Variants in H1-3 observed in about 807,000 individuals in gnomAD.
H1-3 encodes the protein H1.3 linker histone, cluster member, also known as histone H1.3.
A neutral mutation model predicts 3.6 loss-of-function variants in H1-3; 4 were observed. That is an observed-to-expected ratio of 1.12 (90% confidence interval 0.55 to 2.57). The LOEUF is 2.57. Among genes scored for constraint, H1-3 ranks in the 30% most tolerant of loss-of-function variants. The pLI is 0.02. For synonymous variants in H1-3, 266 were observed against 110.0 expected, an observed-to-expected ratio of 2.42 and a Z score of -8.87; for missense variants, 670 against 274.3, an observed-to-expected ratio of 2.44 and a Z score of -10.19.
chr6:26,234,972 A>G lies in H1-3; in HGVS notation c.-39T>C, dbSNP rs768461049. On this transcript the variant is annotated 5_prime_UTR_variant, in exon 1 of 1. Coordinates refer to ENST00000244534, the MANE Select transcript of H1-3 (RefSeq NM_005320.3). ...CAGAAAAGACAATAAGTAATCTCAA[A>G]CTGTCAGAACAGCATGTCCTCTACG... 1 of 1,541,298 alleles carries G rather than the reference A, an allele frequency of 6.5e-7. No individual in the cohort carries two copies. Among genetic ancestry groups the G allele is most frequent in the Non-Finnish European group, 8.8e-7 (1 of 1,141,678 alleles).
In H1-3 at chr6:26,234,532, CCCAGCAGGCTTCCTAGGCTTGGCTGCG is replaced by C; in HGVS notation, c.375_401del (p.Pro129_Lys137del). On this transcript the variant is annotated inframe_deletion, in exon 1 of 1. Transcript: ENST00000244534. Reference sequence around the variant, plus strand: ...CCACCTTCTTGGGCTTCTTGGCTGCCCCAGCAGGCTTCCTAGGCTTGGCTGCGCCAGCCTTTTTGGCCTTGGGTTTGC... The same window carrying C: ...CCACCTTCTTGGGCTTCTTGGCTGCCCCAGCCTTTTTGGCCTTGGGTTTGC... 1.2e-6 allele frequency: 2 copies of C among 1,613,422 alleles called. No homozygotes were observed. The highest frequency in any genetic ancestry group is 8.5e-7 in the Non-Finnish European group (1 of 1,179,894).
Position 26,234,441 on chromosome 6 carries a change from C to A in H1-3, c.493G>T (p.Ala165Ser). Reference protein sequence around the residue: ...TPKKVKKPATAAGTKKVAKSA... With the variant: ...TPKKVKKPATSAGTKKVAKSA... Reference sequence around the variant, plus strand: ...TTGGCCACTTTCTTGGTCCCAGCAGCGGTTGCTGGCTTCTTTACCTTCTTA... The same window carrying A: ...TTGGCCACTTTCTTGGTCCCAGCAGAGGTTGCTGGCTTCTTTACCTTCTTA... Residue 165 changes from alanine to serine, a missense_variant, in exon 1 of 1, where the codon GCT becomes TCT. By Grantham distance (99) the Ala-to-Ser change is moderately conservative (BLOSUM62 1). Transcript: ENST00000244534. The A allele has an allele frequency of 1.9e-6, 3 of 1,614,120 alleles. No individual in the cohort carries two copies. The highest frequency in any genetic ancestry group is 2.5e-6 in the Non-Finnish European group (3 of 1,179,966).
chr6:26,234,644 G>C lies in H1-3; in HGVS notation c.290C>G (p.Thr97Ser), dbSNP rs1187327607. 2.5e-6 allele frequency: 4 copies of C among 1,614,160 alleles called. No individual in the cohort carries two copies. The highest frequency in any genetic ancestry group is 3.4e-6 in the Non-Finnish European group (4 of 1,180,026). The change falls in exon 1 of 1, where the codon ACC becomes AGC. Residue 97 changes from threonine (T) to serine (S), a missense_variant. By Grantham distance (58) the Thr-to-Ser change is moderately conservative. Transcript: ENST00000244534. Reference protein sequence around the residue: ...SLVSKGTLVQTKGTGASGSFK... With the variant: ...SLVSKGTLVQSKGTGASGSFK... ...GGAGCCAGAAGCACCGGTACCTTTG[G>C]TCTGCACCAGAGTACCTTTGCTCAC...
Position 26,234,369 on chromosome 6 carries a change from T to A in H1-3, c.565A>T (p.Ser189Cys). ...TTAGGGGCTTTGGCCTTAGCTGGACTCTTGGCAGCTTTTTTTGGCTGAGGT... is the reference window on the plus strand; with the variant it reads ...TTAGGGGCTTTGGCCTTAGCTGGACACTTGGCAGCTTTTTTTGGCTGAGGT... ...KTPQPKKAAK[S>C]PAKAKAPKPK... The change falls in exon 1 of 1, where the codon AGT becomes TGT. Residue 189 changes from serine (S) to cysteine (C), a missense_variant. Physicochemically the swap from Ser to Cys is moderately radical, Grantham distance 112. Coordinates refer to ENST00000244534, the MANE Select transcript of H1-3 (RefSeq NM_005320.3). 2.5e-6 allele frequency: 4 copies of A among 1,614,246 alleles called. No individual in the cohort carries two copies. The Admixed American group carries it at 6.7e-5, about 27-fold the overall frequency.
rs1013776709 is a variant in H1-3 at position 26,234,546 on chromosome 6, T to C, written c.388A>G (p.Arg130Gly). ...KAKKAGAAKP[R>G]KPAGAAKKPK... ...TTCTTGGCTGCCCCAGCAGGCTTCC[T>C]AGGCTTGGCTGCGCCAGCCTTTTTG... The change falls in exon 1 of 1, where the codon AGG becomes GGG. Residue 130 changes from arginine (R) to glycine (G), a missense_variant. Transcript: ENST00000244534. 6.2e-7 allele frequency: 1 copy of C among 1,610,162 alleles called. No individual in the cohort carries two copies.
chr6:26,234,739 T>G lies in H1-3; in HGVS notation c.195A>C (p.Lys65Asn), dbSNP rs1759749886. Residue 65 changes from lysine (K) to asparagine (N), a missense_variant, in exon 1 of 1, where the codon AAA becomes AAC. Transcript: ENST00000244534. ...RSGVSLAALK[K>N]ALAAAGYDVE... ...CATCGTAGCCAGCAGCCGCAAGCGC[T>G]TTCTTAAGCGCGGCCAGAGAAACGC... is the stretch of plus-strand genomic sequence containing the variant. 6.2e-7 allele frequency: 1 copy of G among 1,613,942 alleles called. No individual in the cohort carries two copies.
Position 26,234,366 on chromosome 6 carries a change from G to T in H1-3, c.568C>A (p.Pro190Thr). 3.7e-6 allele frequency: 6 copies of T among 1,614,214 alleles called. No homozygotes were observed. In the African/African-American group the frequency reaches 8.0e-5, roughly 22 times the overall value. ...TPQPKKAAKS[P>T]AKAKAPKPKA... ...GGCTTAGGGGCTTTGGCCTTAGCTG[G>T]ACTCTTGGCAGCTTTTTTTGGCTGA... is the stretch of plus-strand genomic sequence containing the variant. Residue 190 changes from proline (P) to threonine (T), a missense_variant, in exon 1 of 1, where the codon CCA (proline) becomes ACA (threonine). Coordinates refer to ENST00000244534, the MANE Select transcript of H1-3 (RefSeq NM_005320.3).
Position 26,234,676 on chromosome 6 carries a change from C to A in H1-3, c.258G>T (p.Lys86Asn). The change falls in exon 1 of 1, where the codon AAG becomes AAT. Residue 86 changes from lysine to asparagine, a missense_variant. Coordinates refer to ENST00000244534, the MANE Select transcript of H1-3 (RefSeq NM_005320.3). ...CCAGAGTACCTTTGCTCACCAAGCT[C>A]TTGAGGCCAAGCTTGATACGGCTGT... ...KNNSRIKLGLKSLVSKGTLVQ... is the reference protein window; with the variant it reads ...KNNSRIKLGLNSLVSKGTLVQ... The A allele has an allele frequency of 6.2e-7, 1 of 1,614,176 alleles. No homozygotes were observed. Among genetic ancestry groups the A allele is most frequent in the Non-Finnish European group, 8.5e-7 (1 of 1,180,030 alleles).
rs757476262 is a variant in H1-3, at chr6:26,234,601, T to C, written c.333A>G (p.Lys111=). ...GASGSFKLNK[K]AASGEGKPKA... is the part of the protein sequence containing the mutation. ...TGGGTTTGCCTTCCCCGGAAGCCGC[T>C]TTCTTGTTGAGTTTGAAGGAGCCAG... The change falls in exon 1 of 1, where the codon AAA becomes AAG. Residue 111 remains lysine, a synonymous_variant. Coordinates refer to ENST00000244534, the MANE Select transcript of H1-3 (RefSeq NM_005320.3). 1.9e-6 allele frequency: 3 copies of C among 1,613,924 alleles called. No individual in the cohort carries two copies. The highest frequency in any genetic ancestry group is 4.5e-5 in the East Asian group (2 of 44,894).
rs1476744251 is a variant in H1-3 at position 26,234,585 on chromosome 6, C to T, written c.349G>A (p.Gly117Ser). Residue 117 changes from glycine to serine, a missense_variant, in exon 1 of 1, where the codon GGC becomes AGC. Physicochemically the swap from Gly to Ser is moderately conservative, Grantham distance 56. Transcript: ENST00000244534. Reference protein sequence around the residue: ...KLNKKAASGEGKPKAKKAGAA... With the variant: ...KLNKKAASGESKPKAKKAGAA... ...CCAGCCTTTTTGGCCTTGGGTTTGC[C>T]TTCCCCGGAAGCCGCTTTCTTGTTG... The T allele has an allele frequency of 4.3e-6, 7 of 1,613,774 alleles. No homozygotes were observed. Among genetic ancestry groups the T allele is most frequent in the African/African-American group, 2.7e-5 (2 of 74,932 alleles).
In H1-3 at chr6:26,234,486, TC is replaced by T. The variant is rs769650149; in HGVS notation, c.447del (p.Ser151AlafsTer9). On this transcript the variant is annotated frameshift_variant, in exon 1 of 1. Transcript: ENST00000244534. LOFTEE classifies it low-confidence loss of function (END_TRUNC). ...TTCTTAGGAGTCTTTTTGATGCTTT[TC>T]TTCGGGGTAGCGGCGCCAGCCACCT... is the stretch of plus-strand genomic sequence containing the variant. ...PKKVAGAATP[K>X]KSIKKTPKKV... 6.2e-7 allele frequency: 1 copy of T among 1,614,124 alleles called. No homozygotes were observed. The highest frequency in any genetic ancestry group is 1.7e-5 in the Admixed American group (1 of 60,030).
In H1-3 at chr6:26,234,655, A is replaced by G. The variant is rs2050950; in HGVS notation, c.279T>C (p.Thr93=). Residue 93 remains threonine, a synonymous_variant, in exon 1 of 1, where the codon ACT becomes ACC. Transcript: ENST00000244534. ...CACCGGTACCTTTGGTCTGCACCAG[A>G]GTACCTTTGCTCACCAAGCTCTTGA... ...LGLKSLVSKG[T]LVQTKGTGAS... 223,512 of 1,613,962 alleles carry G rather than the reference A, an allele frequency of 0.14. 16,571 individuals carry two copies. The highest frequency in any genetic ancestry group is 0.25 in the Middle Eastern group (1,492 of 6,034).
Position 26,234,822 on chromosome 6 carries a change from C to G in H1-3, c.112G>C (p.Gly38Arg), listed in dbSNP as rs373606239. The change falls in exon 1 of 1, where the codon GGA (glycine) becomes CGA (arginine). Residue 38 changes from glycine (G) to arginine (R), a missense_variant. Gly to Arg is a moderately radical substitution (Grantham distance 125, BLOSUM62 -2). Coordinates refer to ENST00000244534, the MANE Select transcript of H1-3 (RefSeq NM_005320.3). The stretch of plus-strand genomic sequence containing the variant: ...GTGATAAGCTCAGATACTGGGGGTC[C>G]GGATGCTTTGCGTTTCCCAGCAGTT... ...GATAGKRKAS[G>R]PPVSELITKA... 6.8e-6 allele frequency: 11 copies of G among 1,614,204 alleles called. No homozygotes were observed. The highest frequency in any genetic ancestry group is 9.3e-6 in the Non-Finnish European group (11 of 1,180,036).
In H1-3 at chr6:26,234,670, C is replaced by G; in HGVS notation, c.264G>C (p.Leu88Phe). The change falls in exon 1 of 1, where the codon TTG (leucine) becomes TTC (phenylalanine). Residue 88 changes from leucine to phenylalanine, a missense_variant. Transcript: ENST00000244534. ...NSRIKLGLKS[L>F]VSKGTLVQTK... is the part of the protein sequence containing the mutation. ...TCTGCACCAGAGTACCTTTGCTCAC[C>G]AAGCTCTTGAGGCCAAGCTTGATAC... 1.9e-6 allele frequency: 3 copies of G among 1,614,176 alleles called. No homozygotes were observed. The highest frequency in any genetic ancestry group is 2.5e-6 in the Non-Finnish European group (3 of 1,180,026).
chr6:26,234,541 C>A lies in H1-3; in HGVS notation c.393G>T (p.Lys131Asn), dbSNP rs540981031. ...AKKAGAAKPR[K>N]PAGAAKKPKK... The stretch of plus-strand genomic sequence containing the variant: ...TGGGCTTCTTGGCTGCCCCAGCAGG[C>A]TTCCTAGGCTTGGCTGCGCCAGCCT... Residue 131 changes from lysine to asparagine, a missense_variant, in exon 1 of 1, where the codon AAG (lysine) becomes AAT (asparagine). By Grantham distance (94) the Lys-to-Asn change is moderately conservative (BLOSUM62 0). Transcript: ENST00000244534. 8.7e-6 allele frequency: 14 copies of A among 1,612,576 alleles called. No homozygotes were observed. The Admixed American group carries it at 1.3e-4, about 15-fold the overall frequency.
Position 26,234,395 on chromosome 6 carries a change from G to GT in H1-3, c.538dup (p.Thr180AsnfsTer13). On this transcript the variant is annotated frameshift_variant, in exon 1 of 1. Coordinates refer to ENST00000244534, the MANE Select transcript of H1-3 (RefSeq NM_005320.3). LOFTEE classifies it low-confidence loss of function (END_TRUNC). ...CTTGGCAGCTTTTTTTGGCTGAGGT[G>GT]TTTTCACCTTTTTCGCACTCTTGGC... The GT allele has an allele frequency of 6.2e-7, 1 of 1,614,196 alleles. No individual in the cohort carries two copies.
At position 26,234,373 on chromosome 6, in the gene H1-3, G is replaced by C. The variant is rs766142084; in HGVS notation, c.561C>G (p.Ala187=). 5.0e-6 allele frequency: 8 copies of C among 1,614,170 alleles called. No homozygotes were observed. The highest frequency in any genetic ancestry group is 6.8e-6 in the Non-Finnish European group (8 of 1,180,030). ...KVKTPQPKKA[A]KSPAKAKAPK... ...GGGCTTTGGCCTTAGCTGGACTCTT[G>C]GCAGCTTTTTTTGGCTGAGGTGTTT... The change falls in exon 1 of 1, where the codon GCC becomes GCG. Residue 187 remains alanine (A), a synonymous_variant. Transcript: ENST00000244534.
Position 26,234,688 on chromosome 6 carries a change from C to A in H1-3, c.246G>T (p.Lys82Asn). 1 of 1,614,032 alleles carries A rather than the reference C, an allele frequency of 6.2e-7. No homozygotes were observed. The highest frequency in any genetic ancestry group is 8.5e-7 in the Non-Finnish European group (1 of 1,179,992). ...YDVEKNNSRI[K>N]LGLKSLVSKG... ...TGCTCACCAAGCTCTTGAGGCCAAGCTTGATACGGCTGTTGTTTTTTTCTA... is the reference window on the plus strand; with the variant it reads ...TGCTCACCAAGCTCTTGAGGCCAAGATTGATACGGCTGTTGTTTTTTTCTA... The change falls in exon 1 of 1, where the codon AAG becomes AAT. Residue 82 changes from lysine to asparagine, a missense_variant. Physicochemically the swap from Lys to Asn is moderately conservative, Grantham distance 94 (BLOSUM62 0). Transcript: ENST00000244534.
chr6:26,234,308 T>C lies in H1-3; in HGVS notation c.626A>G (p.Lys209Arg), dbSNP rs200823053. Residue 209 changes from lysine (K) to arginine (R), a missense_variant, in exon 1 of 1, where the codon AAG becomes AGG. Transcript: ENST00000244534. ...AGCTGCCTTCTTTGCCTTTGTAACC[T>C]TCGGCTTCCCCGACTTAGGCTTGGC... The part of the protein sequence containing the change: ...KAAKPKSGKP[K>R]VTKAKKAAPK... The C allele has an allele frequency of 4.3e-6, 7 of 1,609,812 alleles. No individual in the cohort carries two copies. Among genetic ancestry groups the C allele is most frequent in the Non-Finnish European group, 5.9e-6 (7 of 1,178,792 alleles).
Sources: allele counts gnomAD v4.1 joint callset, GRCh38; gene constraint gnomAD v4.1.1; transcripts MANE v1.5; gene names NCBI Gene and HGNC (gene_info 2026-07-23, HGNC 2026-07-21).